Variants in ADGRB3 observed in about 807,000 individuals in gnomAD.
ADGRB3 encodes the protein adhesion G protein-coupled receptor B3, also known as brain-specific angiogenesis inhibitor 3.
ADGRB3 carries 37 observed loss-of-function variants against 193.4 expected under a neutral mutation model. The ratio of observed to expected loss-of-function variants is 0.19; its 90% CI spans 0.15 to 0.25. The LOEUF is 0.25. ADGRB3 is among the 10% of genes least tolerant of loss of function. The pLI is 1.00. For missense variants in ADGRB3, 1,637 were observed against 1,852.9 expected (o/e 0.88, Z 2.14); for synonymous variants, 690 against 644.2 (o/e 1.07, Z -1.08).
At chr6:68,926,370 G>A (rs1462042952) in intron 3 of ADGRB3, among the ~76,000 whole-genome samples, 1 of 152,084 alleles carries the variant, frequency 6.6e-6, no homozygotes, top group Non-Finnish European at 1.5e-5. Context: ...AGTTAATGAG[G>A]AGACAGTTCA....
chr6:69,071,593 T>G (rs1772082589), intron 16 of ADGRB3, among the ~76,000 whole-genome samples: 1 of 152,204 alleles, frequency 6.6e-6, no homozygotes, highest in Non-Finnish European at 1.5e-5. Context: ...GCTAGAGTTT[T>G]GAATGGAGCC....
intron 3 of ADGRB3, among the ~76,000 whole-genome samples, chr6:68,730,478 T>C (rs986133466): frequency 3.3e-5 from 5 of 151,660 alleles, no homozygotes; most frequent in African/African-American, 1.2e-4. Context: ...TCAGGCACTG[T>C]GGAGCCAGAA....
At chr6:69,305,306 T>G (rs1768041901) in intron 20 of ADGRB3, among the ~76,000 whole-genome samples, 1 of 151,608 alleles carries the variant, frequency 6.6e-6, no homozygotes, top group African/African-American at 2.4e-5. Flanking sequence ...GGTGTTCAAA[T>G]TGTTACAGTG....
chr6:68,733,222 A>C (rs1198438692), intron 3 of ADGRB3, among the ~76,000 whole-genome samples: 3 of 148,610 alleles, frequency 2.0e-5, no homozygotes, highest in African/African-American at 7.3e-5. Flanking sequence ...GGATAAAGAA[A>C]ATTATATCTA....
At chr6:68,895,775 A>G (rs1019711270) in intron 3 of ADGRB3, among the ~76,000 whole-genome samples, 6 of 151,918 alleles carry the variant, frequency 3.9e-5, no homozygotes, top group African/African-American at 1.5e-4. Context: ...GGGAATTCAC[A>G]TAGTGTTTTT....
chr6:69,042,546 G>T (rs1312631687), intron 13 of ADGRB3, among the ~76,000 whole-genome samples: 1 of 152,162 alleles, frequency 6.6e-6, no homozygotes, highest in Non-Finnish European at 1.5e-5. Flanking sequence ...ATGCCAAGGG[G>T]GTAATGCTAC....
At chr6:69,289,331 G>A (rs1191332315) in intron 20 of ADGRB3, among the ~76,000 whole-genome samples, 2 of 152,120 alleles carry the variant, frequency 1.3e-5, no homozygotes, top group African/African-American at 2.4e-5. Context: ...GAGAAGATGT[G>A]TATCTCAATA....
Position 68,950,565 on chromosome 6 carries a change from A to G in ADGRB3, c.1196-5459A>G, listed in dbSNP as rs530207969. Among the ~76,000 whole-genome samples, 78 of 152,288 alleles carry G rather than the reference A, an allele frequency of 5.1e-4. 1 individual carries two copies. Among genetic ancestry groups the G allele is most frequent in the Non-Finnish European group, 1.8e-4 (12 of 68,008 alleles). On this transcript the variant is annotated intron_variant, in intron 6 of 31. Coordinates refer to ENST00000370598, the MANE Select transcript of ADGRB3 (RefSeq NM_001704.3). ...TCAAAAAGATAGAAATTTTGATTTA[A>G]GGGCTATAGACACCCAGATTGTTGA... is the stretch of plus-strand genomic sequence containing the variant.
intron 22 of ADGRB3, 100 bp downstream of exon 22, chr6:69,327,989 T>C: frequency 1.0e-6 from 1 of 977,072 alleles, no homozygotes; most frequent in Non-Finnish European, 1.5e-6. Flanking sequence ...CATGGAATCA[T>C]TAACAATGGT....
At chr6:68,791,925 A>G (rs1363549851) in intron 3 of ADGRB3, among the ~76,000 whole-genome samples, 1 of 152,218 alleles carries the variant, frequency 6.6e-6, no homozygotes, top group African/African-American at 2.4e-5. Flanking sequence ...CTAGGGATGA[A>G]ATCAGAGTCC....
intron 8 of ADGRB3, among the ~76,000 whole-genome samples, chr6:68,958,083 C>A (rs1290861130): frequency 6.6e-6 from 1 of 152,046 alleles, no homozygotes; most frequent in African/African-American, 2.4e-5. Context: ...CACCTGTAAT[C>A]CCAGCTACGC....
chr6:68,639,355 A>AG lies in ADGRB3; in HGVS notation c.683dup (p.Cys229LeufsTer35). 1 of 1,614,076 alleles carries AG rather than the reference A, an allele frequency of 6.2e-7. No individual in the cohort carries two copies. The highest frequency in any genetic ancestry group is 8.5e-7 in the Non-Finnish European group (1 of 1,180,044). On this transcript the variant is annotated frameshift_variant, in exon 3 of 32. Transcript: ENST00000370598. LOFTEE classifies it high-confidence loss of function. ...GTGTTACCCCTGAATGAGCAGACAGAGGGCTGCCTGACCCAGGAGCTGCAA... is the reference window on the plus strand; with the variant it reads ...GTGTTACCCCTGAATGAGCAGACAGAGGGGCTGCCTGACCCAGGAGCTGCAA...
intron 3 of ADGRB3, among the ~76,000 whole-genome samples, chr6:68,858,177 A>C (rs1310171745): frequency 1.3e-5 from 2 of 152,140 alleles, no homozygotes; most frequent in Admixed American, 1.3e-4. Flanking sequence ...TCATACCTGC[A>C]GTCCCAGCTA....
chr6:69,295,096 G>A (rs1366588785), intron 20 of ADGRB3, among the ~76,000 whole-genome samples: 1 of 152,136 alleles, frequency 6.6e-6, no homozygotes, highest in Non-Finnish European at 1.5e-5. Flanking sequence ...CAGAGGGAAA[G>A]GGAAGGTAAT....
At chr6:69,253,104 T>C (rs932769779) in intron 20 of ADGRB3, among the ~76,000 whole-genome samples, 8 of 152,052 alleles carry the variant, frequency 5.3e-5, no homozygotes, top group Middle Eastern at 3.2e-3. Flanking sequence ...ACTGTATGTG[T>C]GGATCTGTTT....
chr6:69,281,398 G>A (rs1409265707), intron 20 of ADGRB3, among the ~76,000 whole-genome samples: 1 of 152,188 alleles, frequency 6.6e-6, no homozygotes, highest in Non-Finnish European at 1.5e-5. Context: ...AGCTGGAGGA[G>A]GGAAACCTTT....
At chr6:69,212,273 T>A (rs1458377299) in intron 17 of ADGRB3, among the ~76,000 whole-genome samples, 2 of 152,150 alleles carry the variant, frequency 1.3e-5, no homozygotes, top group African/African-American at 4.8e-5. Flanking sequence ...AATTTGTGAA[T>A]ACATAAATCA....
intron 30 of ADGRB3, 78 bp downstream of exon 30, chr6:69,372,519 T>C (rs1296684724): frequency 1.4e-6 from 1 of 708,826 alleles, no homozygotes. Context: ...AAATTATTAC[T>C]CTATGCAGCC....
intron 3 of ADGRB3, among the ~76,000 whole-genome samples, chr6:68,717,198 T>C (rs1251175088): frequency 6.6e-6 from 1 of 151,746 alleles, no homozygotes; most frequent in Non-Finnish European, 1.5e-5. Context: ...ATTTTACTTC[T>C]GCCGTATCAA....
Sources: allele counts gnomAD v4.1 joint callset (sites outside exome capture counted in the v4.1 genomes callset), GRCh38; gene constraint gnomAD v4.1.1; transcripts MANE v1.5; gene names NCBI Gene and HGNC (gene_info 2026-07-23, HGNC 2026-07-21).